PLCZ1: variants seen among roughly 807,000 people sequenced by gnomAD.
PLCZ1 encodes 1-phosphatidylinositol 4,5-bisphosphate phosphodiesterase zeta-1.
Under a neutral mutation model 76.8 loss-of-function variants are expected in PLCZ1, and 64 were observed. The ratio of observed to expected loss-of-function variants is 0.83; its 90% CI spans 0.68 to 1.03. PLCZ1 has a LOEUF of 1.03. Ranked by LOEUF, PLCZ1 falls within the 50% of genes least tolerant of loss-of-function variation. The pLI is 0.00. For missense variants in PLCZ1, 751 were observed against 713.7 expected (o/e 1.05, Z -0.60); for synonymous variants, 248 against 230.8 (o/e 1.07, Z -0.68).
At chr12:18,704,561 AG>A (rs1956356963) in intron 7 of PLCZ1, among the ~76,000 whole-genome samples, 1 of 152,054 alleles carries the variant, frequency 6.6e-6, no homozygotes, top group African/African-American at 2.4e-5. Flanking sequence ...TCCTAACCTC[AG>A]GGGATCCGCC....
intron 6 of PLCZ1, among the ~76,000 whole-genome samples, chr12:18,709,220 G>A (rs538480273): frequency 1.5e-4 from 22 of 149,378 alleles, no homozygotes; most frequent in Non-Finnish European, 2.2e-4. Context: ...GTCTAATTTC[G>A]TTCTTTAGCA....
chr12:18,732,778 T>A lies in PLCZ1; in HGVS notation c.135+3443A>T, dbSNP rs537070811. ...ATATAATGTCCTCTAGTTTTACCCATGTTGTCACAAATAACAAGATATTCT... is the reference window on the plus strand; with the variant it reads ...ATATAATGTCCTCTAGTTTTACCCAAGTTGTCACAAATAACAAGATATTCT... On this transcript the variant is annotated intron_variant, in intron 3 of 14. Coordinates refer to ENST00000266505, the MANE Select transcript of PLCZ1 (RefSeq NM_033123.4). 6.0e-4 allele frequency among the ~76,000 whole-genome samples: 92 copies of A among 152,332 alleles called. 2 individuals are homozygous for A. The highest frequency in any genetic ancestry group is 6.8e-3 in the Middle Eastern group (2 of 294).
At chr12:18,698,242 CTTCTATTCTATTCTATTCTA>C (rs10659264) in intron 10 of PLCZ1, among the ~76,000 whole-genome samples, 2 of 145,400 alleles carry the variant, frequency 1.4e-5, no homozygotes, top group Non-Finnish European at 3.0e-5. Context: ...ATACACTTTT[CTTCTATTCTATTCTATTCTA>C]TTCTATTCTA....
At chr12:18,656,517 A>T in the PLCZ1 span, among the ~76,000 whole-genome samples, 6 of 152,270 alleles carry the variant, frequency 3.9e-5, no homozygotes, top group Admixed American at 1.3e-4. Context: ...GTGAGACAAG[A>T]TCACACCACT....
chr12:18,735,992 C>T, intron 3 of PLCZ1: 1 of 409,406 alleles, frequency 2.4e-6, no homozygotes. Flanking sequence ...TTAATGTTAG[C>T]ATTTCTGTAT....
chr12:18,734,196 T>C (rs868629440), intron 3 of PLCZ1, among the ~76,000 whole-genome samples: 1 of 152,220 alleles, frequency 6.6e-6, no homozygotes, highest in African/African-American at 2.4e-5. Flanking sequence ...CTAAGCATTA[T>C]ATATTTTTTA....
chr12:18,685,151 T>C (rs890392979), intron 13 of PLCZ1, among the ~76,000 whole-genome samples: 2 of 152,060 alleles, frequency 1.3e-5, no homozygotes, highest in Admixed American at 6.6e-5. Flanking sequence ...GTTGTTAGAC[T>C]GAAAGCTAGA....
intron 6 of PLCZ1, among the ~76,000 whole-genome samples, chr12:18,708,012 T>C (rs1464664008): frequency 6.6e-6 from 1 of 152,224 alleles, no homozygotes; most frequent in African/African-American, 2.4e-5. Context: ...TTAAAATTTT[T>C]GTAGCAAGAG....
At chr12:18,689,429 T>C (rs534892631) in intron 12 of PLCZ1, among the ~76,000 whole-genome samples, 1 of 152,320 alleles carries the variant, frequency 6.6e-6, no homozygotes, top group African/African-American at 2.4e-5. Context: ...CTTAAAACAT[T>C]ATGAGATTCT....
chr12:18,701,020 T>C (rs1488475358), intron 9 of PLCZ1, among the ~76,000 whole-genome samples: 1 of 152,072 alleles, frequency 6.6e-6, no homozygotes, highest in Non-Finnish European at 1.5e-5. Flanking sequence ...TCTCTCATTC[T>C]GTTGCCCAGG....
At chr12:18,692,812 A>T in intron 12 of PLCZ1, 1 of 1,535,336 alleles carries the variant, frequency 6.5e-7, no homozygotes, top group South Asian at 1.1e-5. Flanking sequence ...GGCAAGAAGG[A>T]TGACAAGCTC....
the PLCZ1 span, among the ~76,000 whole-genome samples, chr12:18,666,036 G>T: frequency 6.6e-6 from 1 of 151,386 alleles, no homozygotes; most frequent in African/African-American, 2.4e-5. Flanking sequence ...ATTTAAACTA[G>T]ATTATTATAA....
the PLCZ1 span, among the ~76,000 whole-genome samples, chr12:18,669,500 T>C: frequency 6.6e-6 from 1 of 152,200 alleles, no homozygotes; most frequent in African/African-American, 2.4e-5. Context: ...ATAGACTCGG[T>C]GGCTTAAACA....
chr12:18,669,245 T>C, the PLCZ1 span, among the ~76,000 whole-genome samples: 1 of 152,158 alleles, frequency 6.6e-6, no homozygotes, highest in Non-Finnish European at 1.5e-5. Context: ...GGACATGAAG[T>C]CAGGCAATCA....
chr12:18,647,707 A>G, the PLCZ1 span, among the ~76,000 whole-genome samples: 5 of 152,272 alleles, frequency 3.3e-5, no homozygotes, highest in African/African-American at 1.2e-4. Flanking sequence ...GTTAGCAGAA[A>G]CTTCAGCTTT....
the PLCZ1 span, among the ~76,000 whole-genome samples, chr12:18,655,588 T>C: frequency 1.3e-5 from 2 of 152,122 alleles, no homozygotes; most frequent in Non-Finnish European, 2.9e-5. Context: ...ATTAACTTTA[T>C]AGTAGAGAAA....
chr12:18,737,900 G>A lies in PLCZ1; in HGVS notation c.-139+32C>T, dbSNP rs116363532. On this transcript the variant is annotated intron_variant, in intron 1 of 14. Transcript: ENST00000266505. ...AAACTTTGGGCTGCTTCTCTAGATC[G>A]TTGACAACATATAATGCACACAGAG... 1,298 of 287,932 alleles carry A rather than the reference G, an allele frequency of 4.5e-3. 20 individuals are homozygous for A. Among genetic ancestry groups the A allele is most frequent in the African/African-American group, 0.027 (1,232 of 46,290 alleles). 17.8% of individuals were successfully genotyped at this position (287,932 alleles called of 1,614,324 possible). A position where few individuals can be genotyped will look rare whatever the true frequency, so the allele number is the denominator to read the frequency against.
chr12:18,654,523 G>A, the PLCZ1 span, among the ~76,000 whole-genome samples: 114 of 152,306 alleles, frequency 7.5e-4, no homozygotes, highest in African/African-American at 2.6e-3. Flanking sequence ...AGGAAAATCA[G>A]TATAAAGGAT....
chr12:18,671,334 A>G, the PLCZ1 span, among the ~76,000 whole-genome samples: 1 of 152,092 alleles, frequency 6.6e-6, no homozygotes, highest in Non-Finnish European at 1.5e-5. Context: ...TTTTTATTGG[A>G]CTGAATCCAC....
Sources: gnomAD v4.1 joint callset for allele counts (sites outside exome capture counted in the v4.1 genomes callset) on GRCh38, gnomAD v4.1.1 for gene constraint, MANE v1.5 for transcripts, NCBI Gene and HGNC (gene_info 2026-07-23, HGNC 2026-07-21) for gene names.